Variants in AP3S2 observed in about 807,000 individuals in gnomAD.
AP3S2 encodes AP-3 complex subunit sigma-2.
AP3S2 carries 22 observed loss-of-function variants against 23.4 expected under a neutral mutation model. The observed-to-expected ratio is 0.94, with a 90% CI of 0.67 to 1.34. The LOEUF (loss-of-function observed/expected upper bound fraction) is 1.34, where lower values mean the gene tolerates loss of function less well. Among genes scored for constraint, AP3S2 ranks in the 40% most tolerant of loss-of-function variants. AP3S2 has a pLI of 0.00. For synonymous variants in AP3S2, 86 were observed against 87.1 expected (o/e 0.99, Z 0.07); for missense variants, 241 against 236.9 (o/e 1.02, Z -0.11).
rs1263246194 is a variant in AP3S2 at position 89,864,405 on chromosome 15, A to G, written c.345+7070T>C. Among the ~76,000 whole-genome samples, 6 of 152,214 alleles carry G rather than the reference A, an allele frequency of 3.9e-5. No homozygotes were observed. The East Asian group carries it at 9.6e-4, about 24-fold the overall frequency. ...TTATGATTAAAAATCCTTAGTAGGAAGAGAAAGGAAGAAACATCCTTAACC... is the reference window on the plus strand; with the variant it reads ...TTATGATTAAAAATCCTTAGTAGGAGGAGAAAGGAAGAAACATCCTTAACC... On this transcript the variant is annotated intron_variant, in intron 4 of 5. Transcript: ENST00000336418.
intron 3 of AP3S2, among the ~76,000 whole-genome samples, chr15:89,876,107 T>C (rs1444301434): frequency 2.6e-5 from 4 of 152,118 alleles, no homozygotes; most frequent in African/African-American, 4.8e-5. Context: ...AGAACGATCA[T>C]GATCTAGAAG....
intron 3 of AP3S2, among the ~76,000 whole-genome samples, chr15:89,878,661 A>G (rs954921683): frequency 1.3e-5 from 2 of 152,138 alleles, no homozygotes; most frequent in Non-Finnish European, 2.9e-5. Flanking sequence ...CCTGGGCTCA[A>G]GCAATCCTTC....
intron 3 of AP3S2, among the ~76,000 whole-genome samples, chr15:89,884,996 TAA>T (rs34283039): frequency 6.6e-6 from 1 of 152,144 alleles, no homozygotes; most frequent in East Asian, 1.9e-4. Context: ...ATTTATTCCA[TAA>T]AATGCGCTTA....
chr15:89,855,684 AC>A (rs1895813409), intron 4 of AP3S2, among the ~76,000 whole-genome samples: 1 of 119,842 alleles, frequency 8.3e-6, no homozygotes, highest in Non-Finnish European at 1.8e-5. Flanking sequence ...CCCCGTCTCT[AC>A]TAAAAATAAA....
At chr15:89,867,883 C>T (rs1360781305) in intron 4 of AP3S2, among the ~76,000 whole-genome samples, 1 of 126,852 alleles carries the variant, frequency 7.9e-6, no homozygotes, top group East Asian at 2.6e-4. Flanking sequence ...AAGTGAGGAG[C>T]GGCTCCGCCC....
At chr15:89,863,397 G>A (rs1300476154) in intron 4 of AP3S2, among the ~76,000 whole-genome samples, 2 of 152,150 alleles carry the variant, frequency 1.3e-5, no homozygotes, top group Non-Finnish European at 2.9e-5. Context: ...GGCATTCTGT[G>A]TAGACACAGA....
intron 1 of AP3S2, among the ~76,000 whole-genome samples, chr15:89,892,807 G>T (rs1896850224): frequency 6.6e-6 from 1 of 152,224 alleles, no homozygotes; most frequent in Non-Finnish European, 1.5e-5. Flanking sequence ...GGGACTTGGA[G>T]GTGCCCGCCA....
At chr15:89,885,300 T>C (rs924450579) in intron 3 of AP3S2, among the ~76,000 whole-genome samples, 4 of 152,108 alleles carry the variant, frequency 2.6e-5, no homozygotes, top group Non-Finnish European at 5.9e-5. Context: ...GTTCAGGTGA[T>C]TCTCATGCCT....
intron 3 of AP3S2, chr15:89,877,083 C>T (rs1192644490): frequency 3.4e-6 from 1 of 295,432 alleles, no homozygotes; most frequent in Non-Finnish European, 6.7e-6. Context: ...ACCAAAATGT[C>T]ATATATATGG....
Position 89,833,693 on chromosome 15 carries a change from A to C in AP3S2, c.*1822T>G, listed in dbSNP as rs1418321727. 6.6e-6 allele frequency: 1 copy of C among 152,232 alleles called. No homozygotes were observed. Among genetic ancestry groups the C allele is most frequent in the East Asian group, 1.9e-4 (1 of 5,194 alleles). 9.4% of individuals were successfully genotyped at this position (152,232 alleles called of 1,614,324 possible). ...AATGACATCAGGGGTTTTGATATCT[A>C]TTCACCTACACTTCCCTCTTCCACA... On this transcript the variant is annotated 3_prime_UTR_variant, in exon 6 of 6. Coordinates refer to ENST00000336418, the MANE Select transcript of AP3S2 (RefSeq NM_005829.5).
chr15:89,887,258 A>C (rs1896721052), intron 3 of AP3S2, among the ~76,000 whole-genome samples: 1 of 152,232 alleles, frequency 6.6e-6, no homozygotes, highest in Non-Finnish European at 1.5e-5. Flanking sequence ...TAATTATCCT[A>C]CAAAACTATA....
chr15:89,850,097 T>A (rs1373771185), intron 4 of AP3S2, among the ~76,000 whole-genome samples: 1 of 152,212 alleles, frequency 6.6e-6, no homozygotes, highest in Non-Finnish European at 1.5e-5. Context: ...CATAGAGCTG[T>A]CTGGTCCTAA....
chr15:89,863,961 A>G (rs1008130304), intron 4 of AP3S2, among the ~76,000 whole-genome samples: 1 of 152,238 alleles, frequency 6.6e-6, no homozygotes, highest in African/African-American at 2.4e-5. Flanking sequence ...TTGAAATCCT[A>G]TGAAAAGGAA....
chr15:89,867,421 G>A (rs1896160992), intron 4 of AP3S2, among the ~76,000 whole-genome samples: 1 of 151,312 alleles, frequency 6.6e-6, no homozygotes, highest in Admixed American at 6.6e-5. Flanking sequence ...TGCAGCCTCT[G>A]CCCGGCCGCC....
rs538769261 is a variant in AP3S2 at position 89,870,253 on chromosome 15, G to C, written c.345+1222C>G. Among the ~76,000 whole-genome samples the C allele has an allele frequency of 4.6e-5, 7 of 152,218 alleles. No individual in the cohort carries two copies. The South Asian group carries it at 1.5e-3, about 32-fold the overall frequency. On this transcript the variant is annotated intron_variant, in intron 4 of 5. Transcript: ENST00000336418. ...TGAAAAGTACAAAACAACTCTAAGT[G>C]CTTGCAAAGAAAGGGTGCTAAGAGA...
chr15:89,832,187 T>C lies in AP3S2; in HGVS notation c.*3328A>G, dbSNP rs1465156466. On this transcript the variant is annotated 3_prime_UTR_variant, in exon 6 of 6. Coordinates refer to ENST00000336418, the MANE Select transcript of AP3S2 (RefSeq NM_005829.5). ...GGCCAGGTCCAGTGGCTCACACCTG[T>C]AATCCCAACATGTTTGGGAGGCCAA... 5 of 152,166 alleles carry C rather than the reference T, an allele frequency of 3.3e-5. No individual in the cohort carries two copies. The highest frequency in any genetic ancestry group is 3.3e-4 in the Admixed American group (5 of 15,268). The allele number at this position is 152,166 out of a possible 1,614,324, so 9.4% of individuals were successfully genotyped here. A position where few individuals can be genotyped will look rare whatever the true frequency, so the allele number is the denominator to read the frequency against.
chr15:89,850,717 C>CT (rs11435035), intron 4 of AP3S2: 104,094 of 147,166 alleles, frequency 0.71, 36,727 homozygotes, highest in East Asian at 0.8. Flanking sequence ...TGATTTTTTT[C>CT]TTTTTTTTTT....
intron 4 of AP3S2, among the ~76,000 whole-genome samples, chr15:89,868,030 G>C (rs1229416708): frequency 7.2e-6 from 1 of 138,290 alleles, no homozygotes. Flanking sequence ...CCGTCCAGGA[G>C]GTGAGGGGCG....
chr15:89,855,945 T>TAAAAAAAAAAAAAAAAAAAAA (rs34784306), intron 4 of AP3S2, among the ~76,000 whole-genome samples: 1 of 111,986 alleles, frequency 8.9e-6, no homozygotes, highest in Non-Finnish European at 1.8e-5. Flanking sequence ...ATATGTCCTT[T>TAAAAAAAAAAAAAAAAAAAAA]AAAAAAAAAA....
Sources: allele counts gnomAD v4.1 joint callset (sites outside exome capture counted in the v4.1 genomes callset), GRCh38; gene constraint gnomAD v4.1.1; transcripts MANE v1.5; gene names NCBI Gene and HGNC (gene_info 2026-07-23, HGNC 2026-07-21).